Variants in LRRC31 observed in about 807,000 individuals in gnomAD.
The protein encoded by LRRC31 is leucine rich repeat containing 31.
Under a neutral mutation model 46.7 loss-of-function variants are expected in LRRC31, and 35 were observed. The ratio of observed to expected loss-of-function variants is 0.75; its 90% confidence interval spans 0.57 to 0.99. The LOEUF (loss-of-function observed/expected upper bound fraction) is 0.99, where lower values mean the gene tolerates loss of function less well. Among genes scored for constraint, LRRC31 ranks in the 50% least tolerant of loss-of-function variants. LRRC31 has a pLI of 0.00. For synonymous variants in LRRC31, 236 were observed against 235.1 expected (o/e 1.00, Z -0.03); for missense variants, 613 against 626.1 (o/e 0.98, Z 0.22).
intron 6 of LRRC31, chr3:169,853,583 T>C (rs945875796): frequency 5.1e-6 from 5 of 985,828 alleles, no homozygotes; most frequent in Non-Finnish European, 6.0e-6. Context: ...AATGTCTTCC[T>C]AGGTATGACG....
chr3:169,854,761 A>C, intron 6 of LRRC31, 52 bp downstream of exon 6: 2 of 1,442,334 alleles, frequency 1.4e-6, no homozygotes, highest in Non-Finnish European at 1.9e-6. Context: ...AAGTTTCCAA[A>C]TATAGGCCAA....
At chr3:169,847,410 C>A (rs1359746539) in intron 8 of LRRC31, among the ~76,000 whole-genome samples, 1 of 152,188 alleles carries the variant, frequency 6.6e-6, no homozygotes, top group Non-Finnish European at 1.5e-5. Context: ...GTCTTGAACT[C>A]CTGACCTCAA....
intron 1 of LRRC31, among the ~76,000 whole-genome samples, 166 bp downstream of exon 1, chr3:169,869,467 C>T (rs1422923201): frequency 6.6e-6 from 1 of 152,010 alleles, no homozygotes; most frequent in Non-Finnish European, 1.5e-5. Context: ...CCATTCTCCA[C>T]AATATGATTA....
At chr3:169,865,747 G>C (rs1386844911) in intron 1 of LRRC31, among the ~76,000 whole-genome samples, 1 of 152,170 alleles carries the variant, frequency 6.6e-6, no homozygotes, top group Non-Finnish European at 1.5e-5. Flanking sequence ...TCCAGGTCGG[G>C]GAGGAGGGTC....
rs776510880 is a variant in LRRC31, at chr3:169,861,755, GA to G, written c.233del (p.Phe78SerfsTer14). The G allele has an allele frequency of 8.7e-6, 14 of 1,613,990 alleles. No individual in the cohort carries two copies. Among genetic ancestry groups the G allele is most frequent in the African/African-American group, 1.3e-5 (1 of 74,920 alleles). The part of the protein sequence containing the change: ...WRSSMEKNEH[F>X]LQKLGKKAVN... ...CAGCCTTTTTGCCCAGCTTCTGCAG[GA>G]AATGCTCATTTTTCTCCATACTGGA... On this transcript the variant is annotated frameshift_variant, in exon 2 of 9. Coordinates refer to ENST00000316428, the MANE Select transcript of LRRC31 (RefSeq NM_024727.4). LOFTEE classifies it high-confidence loss of function.
chr3:169,850,455 C>G (rs1780723884), intron 7 of LRRC31, among the ~76,000 whole-genome samples: 1 of 152,162 alleles, frequency 6.6e-6, no homozygotes, highest in Non-Finnish European at 1.5e-5. Flanking sequence ...TTCTAGGGCC[C>G]ATGGACCCAC....
chr3:169,860,198 T>A, intron 3 of LRRC31, among the ~76,000 whole-genome samples: 1 of 151,850 alleles, frequency 6.6e-6, no homozygotes, highest in African/African-American at 2.4e-5. Flanking sequence ...AGCAGGGACC[T>A]GGTCAGCCTT....
At chr3:169,856,658 C>A in intron 4 of LRRC31, 47 bp downstream of exon 4, 1 of 1,518,628 alleles carries the variant, frequency 6.6e-7, no homozygotes, top group South Asian at 1.3e-5. Flanking sequence ...CCCAAGCTAT[C>A]CAGTGGGCAT....
intron 3 of LRRC31, among the ~76,000 whole-genome samples, chr3:169,857,363 C>T (rs1380592350): frequency 2.4e-5 from 3 of 123,230 alleles, no homozygotes; most frequent in African/African-American, 8.8e-5. Flanking sequence ...CACACACACA[C>T]ACACACAAGT....
intron 8 of LRRC31, among the ~76,000 whole-genome samples, chr3:169,845,813 C>G (rs575852119): frequency 6.6e-6 from 1 of 150,756 alleles, no homozygotes; most frequent in East Asian, 1.9e-4. Context: ...TAAGATGCAA[C>G]ACAAAAAAAC....
intron 8 of LRRC31, among the ~76,000 whole-genome samples, chr3:169,847,840 G>A (rs1266209213): frequency 1.3e-5 from 2 of 152,200 alleles, no homozygotes; most frequent in African/African-American, 2.4e-5. Context: ...GAACACTCAC[G>A]GACCGCGGAG....
intron 8 of LRRC31, among the ~76,000 whole-genome samples, chr3:169,847,479 C>A (rs1780641192): frequency 6.6e-6 from 1 of 152,208 alleles, no homozygotes; most frequent in African/African-American, 2.4e-5. Flanking sequence ...GCCACCGTGC[C>A]CAGACACATA....
rs369797113 is a variant in LRRC31 at position 169,860,291 on chromosome 3, G to A, written c.487+270C>T. Among the ~76,000 whole-genome samples the A allele has an allele frequency of 2.7e-4, 40 of 150,154 alleles. No individual in the cohort carries two copies. In the South Asian group the frequency reaches 5.1e-3, roughly 19 times the overall value. On this transcript the variant is annotated intron_variant, in intron 3 of 8. Transcript: ENST00000316428. ...CACCTAGGCTGGTGTGCAGTGGCACGATCTCGGCTCACTGCAACTTCCGCC... is the reference window on the plus strand; with the variant it reads ...CACCTAGGCTGGTGTGCAGTGGCACAATCTCGGCTCACTGCAACTTCCGCC...
chr3:169,845,480 A>T (rs1377859456), intron 8 of LRRC31, among the ~76,000 whole-genome samples: 22 of 152,242 alleles, frequency 1.4e-4, no homozygotes, highest in Admixed American at 1.4e-3. Context: ...AGCAATCAAG[A>T]CAGCGTGATA....
chr3:169,856,352 CT>C lies in LRRC31; in HGVS notation c.806del (p.Lys269ArgfsTer16). 6.3e-7 allele frequency: 1 copy of C among 1,585,314 alleles called. No individual in the cohort carries two copies. On this transcript the variant is annotated frameshift_variant, in exon 5 of 9. Coordinates refer to ENST00000316428, the MANE Select transcript of LRRC31 (RefSeq NM_024727.4). LOFTEE classifies it high-confidence loss of function. ...TTAACTCACCCAATATTTTGACACT[CT>C]TTTGTGATAATCCACATGAATGTAA... Reference protein sequence around the residue: ...LKLHSCGLSQKSVKILDAAFR... With the variant: ...LKLHSCGLSQXSVKILDAAFR...
intron 8 of LRRC31, 151 bp downstream of exon 8, chr3:169,847,969 G>A: frequency 6.1e-6 from 4 of 660,992 alleles, no homozygotes; most frequent in Non-Finnish European, 1.0e-5. Flanking sequence ...ATTTTAATTA[G>A]ACCTCTCGGC....
In LRRC31 at chr3:169,869,530, C is replaced by T. The variant is rs1019731320; in HGVS notation, c.175+103G>A. 52 of 985,864 alleles carry T rather than the reference C, an allele frequency of 5.3e-5. No homozygotes were observed. The African/African-American group carries it at 7.6e-4, about 14-fold the overall frequency. The allele number at this position is 985,864 out of a possible 1,614,324, so 61.1% of individuals were successfully genotyped here. A position where few individuals can be genotyped will look rare whatever the true frequency, so the allele number is the denominator to read the frequency against. On this transcript the variant is annotated intron_variant, in intron 1 of 8. Coordinates refer to ENST00000316428, the MANE Select transcript of LRRC31 (RefSeq NM_024727.4). ...ATCTCATATACCCCATAAATATATA[C>T]ACCTACTATGTACCCACAAAAATTA...
intron 8 of LRRC31, among the ~76,000 whole-genome samples, chr3:169,841,608 G>A (rs1245242387): frequency 6.6e-6 from 1 of 152,134 alleles, no homozygotes; most frequent in East Asian, 1.9e-4. Context: ...AAAAAATGTT[G>A]TATTATGAAA....
In LRRC31 at chr3:169,840,281, G is replaced by T. The variant is rs769714559; in HGVS notation, c.1360C>A (p.Leu454Met). Reference protein sequence around the residue: ...SVIQTGHLAKLQKLDLSYNDS... With the variant: ...SVIQTGHLAKMQKLDLSYNDS... ...TTGTAGCTCAGGTCCAGCTTTTGCA[G>T]TTTGGCCAGATGACCCGTCTGTATG... The change falls in exon 9 of 9, where the codon CTG becomes ATG. Residue 454 changes from leucine to methionine, a missense_variant. Physicochemically the swap from Leu to Met is conservative, Grantham distance 15. Coordinates refer to ENST00000316428, the MANE Select transcript of LRRC31 (RefSeq NM_024727.4). 9.3e-6 allele frequency: 15 copies of T among 1,614,038 alleles called. No individual in the cohort carries two copies. In the East Asian group the frequency reaches 3.1e-4, roughly 34 times the overall value.
Sources: allele counts gnomAD v4.1 joint callset (sites outside exome capture counted in the v4.1 genomes callset), GRCh38; gene constraint gnomAD v4.1.1; transcripts MANE v1.5; gene names NCBI Gene and HGNC (gene_info 2026-07-23, HGNC 2026-07-21).